GAS7: variants seen among roughly 807,000 people sequenced by gnomAD.
GAS7 encodes growth arrest-specific protein 7.
GAS7 carries 28 observed loss-of-function variants against 71.1 expected under a neutral mutation model. The ratio of observed to expected loss-of-function variants is 0.39; its 90% CI spans 0.29 to 0.54. The LOEUF (loss-of-function observed/expected upper bound fraction) is 0.54. Ranked by LOEUF, GAS7 falls within the 20% of genes least tolerant of loss-of-function variation. GAS7 has a pLI of 0.62. For missense variants in GAS7, 436 were observed against 627.8 expected (o/e 0.69, Z 3.27); for synonymous variants, 258 against 245.8 (o/e 1.05, Z -0.46).
chr17:10,039,152 A>G (rs926950023), intron 1 of GAS7, among the ~76,000 whole-genome samples: 3 of 151,670 alleles, frequency 2.0e-5, no homozygotes, highest in African/African-American at 4.8e-5. Flanking sequence ...ACGTGGGTAT[A>G]CTCAAAGCCA....
At chr17:10,173,451 C>T (rs773753018) in intron 1 of GAS7, among the ~76,000 whole-genome samples, 2 of 152,030 alleles carry the variant, frequency 1.3e-5, no homozygotes, top group African/African-American at 2.4e-5. Flanking sequence ...ATCAGGGACC[C>T]GAGGAGCTCT....
intron 1 of GAS7, among the ~76,000 whole-genome samples, chr17:10,057,515 C>T (rs34284739): frequency 4.0e-5 from 6 of 151,076 alleles, no homozygotes; most frequent in Non-Finnish European, 5.9e-5. Context: ...CCCCTCCGCC[C>T]GGCAGCCGCC....
intron 1 of GAS7, among the ~76,000 whole-genome samples, chr17:10,106,831 T>C (rs1339578455): frequency 6.6e-6 from 1 of 152,150 alleles, no homozygotes; most frequent in Non-Finnish European, 1.5e-5. Flanking sequence ...CTGTGAATGT[T>C]ACCTTATATG....
intron 8 of GAS7, among the ~76,000 whole-genome samples, chr17:9,939,648 C>T (rs530451235): frequency 9.2e-5 from 14 of 151,396 alleles, no homozygotes; most frequent in Middle Eastern, 3.4e-3. Context: ...CTCGCTCTGT[C>T]GCCCAGGCTG....
intron 1 of GAS7, among the ~76,000 whole-genome samples, chr17:10,186,344 T>A (rs1274435360): frequency 6.6e-6 from 1 of 151,700 alleles, no homozygotes; most frequent in Admixed American, 6.6e-5. Flanking sequence ...TATAGTGATA[T>A]TGTACAGCTA....
At chr17:10,120,960 G>A (rs2142076371) in intron 1 of GAS7, among the ~76,000 whole-genome samples, 1 of 152,346 alleles carries the variant, frequency 6.6e-6, no homozygotes, top group Non-Finnish European at 1.5e-5. Flanking sequence ...GAACCCCAAG[G>A]TGGGCACGCA....
chr17:10,134,661 C>A (rs576311925), intron 1 of GAS7, among the ~76,000 whole-genome samples: 1 of 152,172 alleles, frequency 6.6e-6, no homozygotes, highest in South Asian at 2.1e-4. Flanking sequence ...TCTTGGCTTC[C>A]CCCAGGAAAG....
intron 1 of GAS7, among the ~76,000 whole-genome samples, chr17:10,105,961 C>T (rs2073752542): frequency 6.6e-6 from 1 of 152,160 alleles, no homozygotes; most frequent in South Asian, 2.1e-4. Flanking sequence ...GAGTCTCTCA[C>T]AACCATCACC....
chr17:10,063,815 C>T lies in GAS7; in HGVS notation c.184-43918G>A, dbSNP rs117415524. Among the ~76,000 whole-genome samples, 1,094 of 152,338 alleles carry T rather than the reference C, an allele frequency of 7.2e-3. 4 individuals carry two copies. Among genetic ancestry groups the T allele is most frequent in the Non-Finnish European group, 0.011 (772 of 68,032 alleles). On this transcript the variant is annotated intron_variant, in intron 1 of 13. Coordinates refer to ENST00000432992, the MANE Select transcript of GAS7 (RefSeq NM_201433.2). The stretch of plus-strand genomic sequence containing the variant: ...CTGGGTCACCCTCCCTGGTCAAATG[C>T]TTCCTTCAAGACACTCAGGTCATGG...
At chr17:10,106,883 G>T (rs548437363) in intron 1 of GAS7, among the ~76,000 whole-genome samples, 1 of 152,202 alleles carries the variant, frequency 6.6e-6, no homozygotes, top group South Asian at 2.1e-4. Context: ...TAAGGATTTT[G>T]AGGTGGGGGA....
At chr17:10,053,706 T>C (rs1320474099) in intron 1 of GAS7, among the ~76,000 whole-genome samples, 11 of 152,068 alleles carry the variant, frequency 7.2e-5, no homozygotes, top group Non-Finnish European at 1.2e-4. Flanking sequence ...CTGGAAGAAC[T>C]CCTCCAGCCC....
chr17:10,060,387 T>C (rs2073207072), intron 1 of GAS7, among the ~76,000 whole-genome samples: 1 of 152,134 alleles, frequency 6.6e-6, no homozygotes, highest in Non-Finnish European at 1.5e-5. Flanking sequence ...CTCCGGGATG[T>C]GCAACTTTTC....
chr17:10,173,379 G>C (rs1372759194), intron 1 of GAS7, among the ~76,000 whole-genome samples: 1 of 151,984 alleles, frequency 6.6e-6, no homozygotes, highest in Non-Finnish European at 1.5e-5. Flanking sequence ...GCGGGGAAGA[G>C]GGAGAGAAAA....
chr17:9,968,777 A>G (rs1005725114), intron 4 of GAS7, among the ~76,000 whole-genome samples: 12 of 152,294 alleles, frequency 7.9e-5, no homozygotes, highest in African/African-American at 2.9e-4. Flanking sequence ...TGACTGGTAC[A>G]TAGAATCCAC....
At chr17:10,150,520 T>C (rs2074156814) in intron 1 of GAS7, among the ~76,000 whole-genome samples, 2 of 151,440 alleles carry the variant, frequency 1.3e-5, no homozygotes, top group African/African-American at 4.9e-5. Flanking sequence ...CCTATAGAAG[T>C]TGTTGAATGA....
chr17:9,994,915 A>C (rs2070980917), intron 2 of GAS7, among the ~76,000 whole-genome samples: 1 of 152,256 alleles, frequency 6.6e-6, no homozygotes, highest in Non-Finnish European at 1.5e-5. Flanking sequence ...AGGAAAGACA[A>C]GTTTCAAGCA....
intron 1 of GAS7, among the ~76,000 whole-genome samples, chr17:10,073,519 G>A (rs1271384660): frequency 1.3e-5 from 2 of 152,194 alleles, no homozygotes. Flanking sequence ...TGTTATATAA[G>A]ACGTGGTCCA....
rs115044680 is a variant in GAS7, at chr17:9,999,179, G to C, written c.305-17295C>G. Among the ~76,000 whole-genome samples the C allele has an allele frequency of 3.3e-3, 497 of 152,278 alleles. 3 individuals are homozygous for C. Among genetic ancestry groups the C allele is most frequent in the African/African-American group, 0.011 (476 of 41,560 alleles). ...CTTCAATTGCTCGCATAACTAATCT[G>C]TATATAGAAGACTTTCCAGTAAAAG... On this transcript the variant is annotated intron_variant, in intron 2 of 13. Coordinates refer to ENST00000432992, the MANE Select transcript of GAS7 (RefSeq NM_201433.2).
intron 1 of GAS7, among the ~76,000 whole-genome samples, chr17:10,063,703 T>G (rs1242960523): frequency 6.6e-6 from 1 of 152,132 alleles, no homozygotes; most frequent in Non-Finnish European, 1.5e-5. Context: ...GCCCTGCACA[T>G]CTGGCTCTGG....
Sources: allele counts gnomAD v4.1 joint callset (sites outside exome capture counted in the v4.1 genomes callset), GRCh38; gene constraint gnomAD v4.1.1; transcripts MANE v1.5; gene names NCBI Gene and HGNC (gene_info 2026-07-23, HGNC 2026-07-21).